The following PFKFB3 variants were observed in gnomAD, a reference collection of about 807,000 sequenced individuals.
PFKFB3 encodes the protein 6-phosphofructo-2-kinase/fructose-2,6-biphosphatase 3.
A neutral mutation model predicts 68.0 loss-of-function variants in PFKFB3; 33 were observed. The ratio of observed to expected loss-of-function variants is 0.49; its 90% CI spans 0.37 to 0.65. The LOEUF (loss-of-function observed/expected upper bound fraction) is 0.65. Among genes scored for constraint, PFKFB3 ranks in the 30% least tolerant of loss-of-function variants. The pLI, the probability that PFKFB3 is intolerant of heterozygous loss-of-function variation, is 0.00. For missense variants in PFKFB3, 586 were observed against 712.2 expected (o/e 0.82, Z 2.02); for synonymous variants, 315 against 288.2 (o/e 1.09, Z -0.94).
At chr10:6,204,972 C>T (rs1249957667) in intron 1 of PFKFB3, among the ~76,000 whole-genome samples, 2 of 152,342 alleles carry the variant, frequency 1.3e-5, no homozygotes, top group South Asian at 4.1e-4. Flanking sequence ...AGAACTCCAG[C>T]GTGCACCAAG....
At chr10:6,293,060 G>A in the PFKFB3 span, 2 of 377,398 alleles carry the variant, frequency 5.3e-6, no homozygotes, top group East Asian at 7.4e-5. Context: ...AGAAGGAAAC[G>A]GAGACGTTCA....
At chr10:6,199,004 C>G (rs1290974891), upstream of PFKFB3, among the ~76,000 whole-genome samples, 4 of 152,248 alleles carry the variant, frequency 2.6e-5, no homozygotes, top group African/African-American at 9.6e-5. Flanking sequence ...GTCTCAGTCT[C>G]TGTTCTCAAT....
At chr10:6,201,431 CGGAGTGGGGGTCGAGGCGGGAGGG>C (rs1443051348), upstream of PFKFB3, among the ~76,000 whole-genome samples, 95 of 80,112 alleles carry the variant, frequency 1.2e-3, no homozygotes, top group South Asian at 6.8e-3. The surrounding 1 kb of genome is among the most constrained non-coding windows in gnomAD (Gnocchi z 4.1). Flanking sequence ...GGCGGGGTGC[CGGAGTGGGGGTCGAGGCGGGAGGG>C]GGAGTGGGGG....
intron 1 of PFKFB3, among the ~76,000 whole-genome samples, chr10:6,146,776 T>G (rs1841402254): frequency 6.6e-6 from 1 of 152,252 alleles, no homozygotes; most frequent in Non-Finnish European, 1.5e-5. Flanking sequence ...CGTATTTTAG[T>G]GCATTATTAG....
rs183577791 is a variant in PFKFB3, at chr10:6,156,829, C to G, written c.16+11816C>G. ...TATCTGGGCTGGGCGTGGTGACTCA[C>G]GCCTGTAATCCCAGCACTTTGGGAG... On this transcript the variant is annotated intron_variant, in intron 1 of 14. Transcript: ENST00000379789. 9.0e-3 allele frequency among the ~76,000 whole-genome samples: 1,368 copies of G among 152,106 alleles called. 21 individuals are homozygous for G. Among genetic ancestry groups the G allele is most frequent in the African/African-American group, 0.032 (1,313 of 41,556 alleles).
chr10:6,181,094 A>G (rs1033905029), intron 1 of PFKFB3, among the ~76,000 whole-genome samples: 5 of 152,130 alleles, frequency 3.3e-5, no homozygotes, highest in Non-Finnish European at 7.3e-5. Context: ...AGTACACTGT[A>G]ACCTCAAACT....
At chr10:6,151,812 C>T (rs1564583547) in intron 1 of PFKFB3, among the ~76,000 whole-genome samples, 2 of 152,088 alleles carry the variant, frequency 1.3e-5, no homozygotes, top group Admixed American at 6.5e-5. Context: ...TTGATGCAGG[C>T]GGACTTCAGG....
chr10:6,325,919 T>C, the PFKFB3 span, among the ~76,000 whole-genome samples: 1 of 152,284 alleles, frequency 6.6e-6, no homozygotes, highest in South Asian at 2.1e-4. Flanking sequence ...CTTCTGCCGC[T>C]CTGTTGCTGA....
chr10:6,200,030 ACAAAC>A (rs1428396659), upstream of PFKFB3, among the ~76,000 whole-genome samples: 3 of 147,186 alleles, frequency 2.0e-5, no homozygotes, highest in African/African-American at 5.1e-5. Context: ...AAAAACAAAA[ACAAAC>A]CAACAAAACC....
chr10:6,147,106 G>T (rs1841413822), intron 1 of PFKFB3, among the ~76,000 whole-genome samples: 1 of 152,184 alleles, frequency 6.6e-6, no homozygotes, highest in Non-Finnish European at 1.5e-5. Flanking sequence ...AGGGAGCCAG[G>T]CCGCGGCTGG....
Position 6,233,061 on chromosome 10 carries a change from G to A in PFKFB3, c.*119G>A. 1.3e-6 allele frequency: 1 copy of A among 796,126 alleles called. No homozygotes were observed. The highest frequency in any genetic ancestry group is 2.6e-5 in the East Asian group (1 of 39,186). The allele number at this position is 796,126 out of a possible 1,614,324, so 49.3% of individuals were successfully genotyped here. On this transcript the variant is annotated 3_prime_UTR_variant, in exon 15 of 15. Transcript: ENST00000379775. The stretch of plus-strand genomic sequence containing the variant: ...CCGGAGAGGGTGGGGTGGAGCAGCG[G>A]GGGAGCCTTGGCCGAAGAGAACCAT...
intron 1 of PFKFB3, among the ~76,000 whole-genome samples, chr10:6,206,537 A>T (rs1450242054): frequency 8.4e-6 from 1 of 119,064 alleles, no homozygotes; most frequent in African/African-American, 4.0e-5. Context: ...GGCCGGGCAG[A>T]GGCGCCCCTC....
At chr10:6,225,959 C>G (rs1222549045) in intron 13 of PFKFB3, among the ~76,000 whole-genome samples, 1 of 152,188 alleles carries the variant, frequency 6.6e-6, no homozygotes, top group Non-Finnish European at 1.5e-5. Context: ...GTGGGGAATC[C>G]TTTGGTACCA....
chr10:6,203,256 C>G lies in PFKFB3; in HGVS notation c.-5C>G. The G allele has an allele frequency of 1.2e-6, 2 of 1,608,354 alleles. No homozygotes were observed. The highest frequency in any genetic ancestry group is 1.7e-6 in the Non-Finnish European group (2 of 1,177,896). ...GGAGGCGGGCCGTCGGGCGCAGCCG[C>G]GAAGATGCCGTTGGAACTGACGCAG... On this transcript the variant is annotated 5_prime_UTR_variant, in exon 1 of 15. Transcript: ENST00000379775.
intron 14 of PFKFB3, chr10:6,231,432 T>C (rs1172950111): frequency 7.8e-6 from 12 of 1,542,786 alleles, no homozygotes; most frequent in African/African-American, 1.4e-5. Flanking sequence ...GGTTGTTAAG[T>C]GCAACACCAT....
At chr10:6,305,130 G>A in the PFKFB3 span, among the ~76,000 whole-genome samples, 1 of 139,842 alleles carries the variant, frequency 7.2e-6, no homozygotes, top group Non-Finnish European at 1.5e-5. Flanking sequence ...GCAAAATGTT[G>A]GGATTGCAAG....
rs1845925327 is a variant in PFKFB3, at chr10:6,234,640, G to A, written c.*1698G>A. 1 of 152,314 alleles carries A rather than the reference G, an allele frequency of 6.6e-6. No homozygotes were observed. Among genetic ancestry groups the A allele is most frequent in the Non-Finnish European group, 1.5e-5 (1 of 68,022 alleles). The allele number at this position is 152,314 out of a possible 1,614,324, so 9.4% of individuals were successfully genotyped here. A position where few individuals can be genotyped will look rare whatever the true frequency, so the allele number is the denominator to read the frequency against. The stretch of plus-strand genomic sequence containing the variant: ...TGGATGTTGAGTCTCATCAGAATAT[G>A]TGGGTAGGGGGTGGACGTGCACGGG... On this transcript the variant is annotated 3_prime_UTR_variant, in exon 15 of 15. Transcript: ENST00000379775.
chr10:6,158,246 G>A (rs1405289511), intron 1 of PFKFB3, among the ~76,000 whole-genome samples: 3 of 151,746 alleles, frequency 2.0e-5, no homozygotes, highest in East Asian at 1.9e-4. Context: ...CCGAGATTGC[G>A]CCACTGCACT....
At position 6,216,202 on chromosome 10, in the gene PFKFB3, G is replaced by A. The variant is rs745410022; in HGVS notation, c.366+11G>A. On this transcript the variant is annotated intron_variant, in intron 4 of 14. Coordinates refer to ENST00000379775, the MANE Select transcript of PFKFB3 (RefSeq NM_004566.4). The stretch of plus-strand genomic sequence containing the variant: ...GGGGGACAAATTGCGGTAAGTCCAG[G>A]CAATGTAGCCGGCTCGGTGTCCAGT... 1.2e-6 allele frequency: 2 copies of A among 1,613,500 alleles called. No homozygotes were observed. Among genetic ancestry groups the A allele is most frequent in the Non-Finnish European group, 1.7e-6 (2 of 1,179,412 alleles).
Sources: gnomAD v4.1 joint callset for allele counts (sites outside exome capture counted in the v4.1 genomes callset) on GRCh38, gnomAD v4.1.1 for gene constraint, Gnocchi (gnomAD v3.1) non-coding constraint, MANE v1.5 for transcripts, NCBI Gene and HGNC (gene_info 2026-07-23, HGNC 2026-07-21) for gene names.